NEK11: variants seen among roughly 807,000 people sequenced by gnomAD.
The protein encoded by NEK11 is serine/threonine-protein kinase Nek11.
Under a neutral mutation model 80.7 loss-of-function variants are expected in NEK11, and 72 were observed. That is an observed-to-expected ratio of 0.89 (90% CI 0.74 to 1.08). The LOEUF (loss-of-function observed/expected upper bound fraction) is 1.08. Among genes scored for constraint, NEK11 ranks in the 50% least tolerant of loss-of-function variants. The pLI is 0.00. For synonymous variants in NEK11, 251 were observed against 260.7 expected (o/e 0.96, Z 0.36); for missense variants, 764 against 763.6 (o/e 1.00, Z -0.01).
intron 15 of NEK11, among the ~76,000 whole-genome samples, chr3:131,229,341 G>A (rs1402422919): frequency 6.6e-6 from 1 of 152,154 alleles, no homozygotes; most frequent in African/African-American, 2.4e-5. Context: ...GTCTGCAACA[G>A]AGGAATAAAA....
chr3:131,117,240 C>T (rs1300339656), intron 5 of NEK11, among the ~76,000 whole-genome samples: 6 of 152,156 alleles, frequency 3.9e-5, no homozygotes, highest in Non-Finnish European at 5.9e-5. Context: ...GGAATCCTTT[C>T]CCCATTGCTT....
At chr3:131,112,537 A>C (rs967971205) in intron 5 of NEK11, among the ~76,000 whole-genome samples, 3 of 152,204 alleles carry the variant, frequency 2.0e-5, no homozygotes, top group Non-Finnish European at 4.4e-5. Flanking sequence ...AAAAATCATC[A>C]AATTTAAGAT....
intron 4 of NEK11, among the ~76,000 whole-genome samples, chr3:131,100,691 C>G (rs571967968): frequency 6.6e-6 from 1 of 152,228 alleles, no homozygotes; most frequent in East Asian, 1.9e-4. Flanking sequence ...TGGATATTGG[C>G]CTGAAGTTCT....
intron 3 of NEK11, chr3:131,053,496 A>C (rs1011724831): frequency 1.3e-5 from 2 of 152,238 alleles, no homozygotes; most frequent in African/African-American, 4.8e-5. Flanking sequence ...TCCATGTATT[A>C]GATTGATGTT....
chr3:131,299,754 A>C (rs1466455257), intron 17 of NEK11, among the ~76,000 whole-genome samples: 1 of 152,036 alleles, frequency 6.6e-6, no homozygotes, highest in African/African-American at 2.4e-5. Context: ...TATGTACTAC[A>C]TTTTCTTTAT....
intron 14 of NEK11, among the ~76,000 whole-genome samples, chr3:131,220,122 T>G (rs563083133): frequency 6.6e-6 from 1 of 152,336 alleles, no homozygotes; most frequent in African/African-American, 2.4e-5. Context: ...TTTGTTTGTT[T>G]TGTTTTGTTT....
intron 5 of NEK11, among the ~76,000 whole-genome samples, chr3:131,130,746 C>T (rs762392757): frequency 1.1e-4 from 17 of 152,110 alleles, no homozygotes; most frequent in Non-Finnish European, 2.5e-4. Flanking sequence ...GCCTTGCATA[C>T]CTAGTATAAA....
intron 17 of NEK11, among the ~76,000 whole-genome samples, chr3:131,334,988 A>G (rs543295272): frequency 2.3e-4 from 35 of 152,298 alleles, no homozygotes; most frequent in African/African-American, 7.5e-4. Flanking sequence ...TAACTTACCA[A>G]CCAAAAAGAG....
intron 14 of NEK11, among the ~76,000 whole-genome samples, chr3:131,201,506 G>A (rs2094225593): frequency 6.6e-6 from 1 of 152,114 alleles, no homozygotes; most frequent in Non-Finnish European, 1.5e-5. Context: ...TACATATCTA[G>A]GGGAAATGTT....
At chr3:131,126,934 A>G (rs971466137) in intron 5 of NEK11, among the ~76,000 whole-genome samples, 6 of 123,664 alleles carry the variant, frequency 4.9e-5, no homozygotes, top group African/African-American at 1.7e-4. Flanking sequence ...ACTCTTTTCT[A>G]TGTTTTCTTT....
chr3:131,053,080 T>A (rs1240569697), intron 3 of NEK11, among the ~76,000 whole-genome samples: 1 of 152,164 alleles, frequency 6.6e-6, no homozygotes, highest in East Asian at 1.9e-4. Context: ...ACTACCCATG[T>A]TGGATACCAT....
intron 7 of NEK11, among the ~76,000 whole-genome samples, chr3:131,149,141 C>T (rs1272232507): frequency 6.6e-6 from 1 of 151,992 alleles, no homozygotes; most frequent in African/African-American, 2.4e-5. Flanking sequence ...TCAACCTCCT[C>T]CTCTCCCTCT....
intron 5 of NEK11, among the ~76,000 whole-genome samples, chr3:131,116,261 T>G (rs1015870243): frequency 6.6e-6 from 1 of 152,050 alleles, no homozygotes; most frequent in Non-Finnish European, 1.5e-5. Context: ...TTGCTCAGAA[T>G]GATGGTTTCC....
chr3:131,091,919 T>A (rs1560356566), intron 4 of NEK11, among the ~76,000 whole-genome samples: 1 of 152,200 alleles, frequency 6.6e-6, no homozygotes, highest in African/African-American at 2.4e-5. Context: ...AGAGAAATCA[T>A]TTGATTAGCT....
intron 12 of NEK11, among the ~76,000 whole-genome samples, chr3:131,167,597 G>T (rs576682345): frequency 2.0e-5 from 3 of 152,162 alleles, no homozygotes; most frequent in Non-Finnish European, 4.4e-5. Flanking sequence ...AAGGTCCTTT[G>T]GGGGCCCTGA....
chr3:131,262,992 C>A (rs1364227298), intron 16 of NEK11, among the ~76,000 whole-genome samples: 1 of 152,102 alleles, frequency 6.6e-6, no homozygotes, highest in Non-Finnish European at 1.5e-5. Flanking sequence ...AGGAAATGAA[C>A]TCATCCGTTT....
intron 5 of NEK11, among the ~76,000 whole-genome samples, chr3:131,123,668 C>G (rs1165202878): frequency 6.6e-6 from 1 of 151,684 alleles, no homozygotes; most frequent in Non-Finnish European, 1.5e-5. Flanking sequence ...ATTTGTAATT[C>G]ATCTTCTGCT....
intron 17 of NEK11, among the ~76,000 whole-genome samples, chr3:131,310,340 T>C (rs757786699): frequency 3.3e-5 from 5 of 152,242 alleles, no homozygotes; most frequent in South Asian, 4.1e-4. Context: ...CAGGTGCCCA[T>C]AGGTTTGTTT....
intron 17 of NEK11, among the ~76,000 whole-genome samples, chr3:131,339,173 T>C (rs1416889638): frequency 1.1e-4 from 16 of 152,212 alleles, no homozygotes; most frequent in Admixed American, 1.0e-3. Flanking sequence ...CTTACTCAGA[T>C]ATTATTTTTA....
Sources: allele counts gnomAD v4.1 joint callset (sites outside exome capture counted in the v4.1 genomes callset), GRCh38; gene constraint gnomAD v4.1.1; transcripts MANE v1.5; gene names NCBI Gene and HGNC (gene_info 2026-07-23, HGNC 2026-07-21).